Variants in TAFA2 observed in about 807,000 individuals in gnomAD.
TAFA2 encodes the protein TAFA chemokine like family member 2.
Under a neutral mutation model 18.8 loss-of-function variants are expected in TAFA2, and 7 were observed. The ratio of observed to expected loss-of-function variants is 0.37; its 90% CI spans 0.21 to 0.70. The LOEUF (loss-of-function observed/expected upper bound fraction) is 0.70. Ranked by LOEUF, TAFA2 falls within the 30% of genes least tolerant of loss-of-function variation. The pLI, the probability that TAFA2 is intolerant of heterozygous loss-of-function variation, is 0.53. For missense variants in TAFA2, 122 were observed against 158.1 expected (o/e 0.77, Z 1.23); for synonymous variants, 60 against 54.2 (o/e 1.11, Z -0.47).
intron 1 of TAFA2, among the ~76,000 whole-genome samples, chr12:62,075,321 G>C (rs1394669868): frequency 6.6e-6 from 1 of 152,192 alleles, no homozygotes; most frequent in African/African-American, 2.4e-5. Flanking sequence ...TCTTCTGATA[G>C]TAATTAATAT....
At chr12:61,720,752 A>T in intron 4 of TAFA2, 1 of 372,912 alleles carries the variant, frequency 2.7e-6, no homozygotes, top group South Asian at 2.1e-5. Context: ...TTCTCAATGA[A>T]ACTTCTGTCC....
intron 2 of TAFA2, chr12:61,776,081 C>G (rs565332269): frequency 4.5e-6 from 2 of 441,180 alleles, no homozygotes; most frequent in South Asian, 3.8e-5. Context: ...AAATGCCCCA[C>G]TAATGCTACC....
At chr12:61,898,349 G>C (rs1184181553) in intron 1 of TAFA2, among the ~76,000 whole-genome samples, 1 of 152,236 alleles carries the variant, frequency 6.6e-6, no homozygotes, top group Non-Finnish European at 1.5e-5. Context: ...TGGGGACTCT[G>C]TGTAGGGGCT....
At chr12:61,824,560 CA>C (rs201366796) in intron 2 of TAFA2, among the ~76,000 whole-genome samples, 6 of 151,470 alleles carry the variant, frequency 4.0e-5, no homozygotes, top group African/African-American at 1.2e-4. Flanking sequence ...ATTTTATTTC[CA>C]AAAAAAGTCA....
intron 1 of TAFA2, among the ~76,000 whole-genome samples, chr12:62,153,973 T>TATGTC (rs1363069084): frequency 1.3e-5 from 2 of 151,980 alleles, no homozygotes; most frequent in East Asian, 3.9e-4. Flanking sequence ...TATGTTATGT[T>TATGTC]ATGTTATGTT....
intron 2 of TAFA2, among the ~76,000 whole-genome samples, chr12:61,824,168 C>A (rs1320487522): frequency 6.6e-6 from 1 of 152,122 alleles, no homozygotes; most frequent in Admixed American, 6.6e-5. Flanking sequence ...TCAGTCCTAC[C>A]ACTTCAAGGA....
At chr12:62,258,623 C>T (rs960599518) in intron 1 of TAFA2, 6 of 217,474 alleles carry the variant, frequency 2.8e-5, no homozygotes, top group Admixed American at 1.2e-4. Context: ...ATGGCTATTA[C>T]GTCCCAGGCA....
In TAFA2 at chr12:61,885,281, G is replaced by A. The variant is rs187163828; in HGVS notation, c.-1-17855C>T. Among the ~76,000 whole-genome samples the A allele has an allele frequency of 4.8e-4, 73 of 152,240 alleles. No homozygotes were observed. In the South Asian group the frequency reaches 5.6e-3, roughly 12 times the overall value. ...AGCAATACTAGTGGGCATGCTATGC[G>A]TCAGATAAAAGAGTAGAGAAGGAGT... On this transcript the variant is annotated intron_variant, in intron 1 of 4. Coordinates refer to ENST00000416284, the MANE Select transcript of TAFA2 (RefSeq NM_178539.5).
chr12:62,071,986 T>C (rs1200433260), intron 1 of TAFA2, among the ~76,000 whole-genome samples: 1 of 152,236 alleles, frequency 6.6e-6, no homozygotes, highest in Non-Finnish European at 1.5e-5. Context: ...AATAGCATAT[T>C]CATAAGCAAG....
At chr12:62,143,962 C>A (rs1216441620) in intron 1 of TAFA2, among the ~76,000 whole-genome samples, 1 of 146,478 alleles carries the variant, frequency 6.8e-6, no homozygotes, top group Non-Finnish European at 1.5e-5. Context: ...GTGGGAGGAT[C>A]GCTTGAGCCA....
intron 1 of TAFA2, chr12:62,253,789 A>G (rs1471741547): frequency 1.3e-5 from 2 of 152,188 alleles, no homozygotes; most frequent in African/African-American, 4.8e-5. Flanking sequence ...CCCTTTTGCC[A>G]TTTAAAGTAA....
intron 1 of TAFA2, among the ~76,000 whole-genome samples, chr12:62,012,421 A>AG (rs1240882425): frequency 1.3e-5 from 2 of 152,246 alleles, no homozygotes; most frequent in East Asian, 3.9e-4. Context: ...TTAAAAAAAA[A>AG]AAAAAAAGAC....
rs191901513 is a variant in TAFA2, at chr12:62,117,103, C to T, written c.-2+74156G>A. ...CTCTTGATCTTGGACTTCTATCTTC[C>T]GGAAACTTTGAAATTTCTGTTCTTT... On this transcript the variant is annotated intron_variant, in intron 1 of 4. Transcript: ENST00000416284. Among the ~76,000 whole-genome samples, 11 of 152,210 alleles carry T rather than the reference C, an allele frequency of 7.2e-5. 1 individual carries two copies. In the South Asian group the frequency reaches 1.2e-3, roughly 17 times the overall value.
chr12:61,860,220 C>T (rs1475444319), intron 2 of TAFA2, among the ~76,000 whole-genome samples: 3 of 152,142 alleles, frequency 2.0e-5, no homozygotes, highest in Non-Finnish European at 4.4e-5. Context: ...CTTGATTTCT[C>T]TTCTGGGTAT....
chr12:62,071,616 A>T (rs575400237), intron 1 of TAFA2, among the ~76,000 whole-genome samples: 37 of 152,156 alleles, frequency 2.4e-4, no homozygotes, highest in Non-Finnish European at 1.5e-5. Context: ...CAACTTCTCC[A>T]TGGAGGGATG....
chr12:62,147,729 C>CAAAAAAAAAAAAAAAA (rs10552283), intron 1 of TAFA2, among the ~76,000 whole-genome samples: 1 of 76,376 alleles, frequency 1.3e-5, no homozygotes, highest in Non-Finnish European at 2.5e-5. Context: ...GACTCTGTCT[C>CAAAAAAAAAAAAAAAA]AAAAAAAAAA....
At chr12:62,143,250 C>T (rs2062252509) in intron 1 of TAFA2, among the ~76,000 whole-genome samples, 1 of 152,154 alleles carries the variant, frequency 6.6e-6, no homozygotes, top group African/African-American at 2.4e-5. Context: ...TTCTTTATCT[C>T]CCTAAAAATG....
intron 1 of TAFA2, among the ~76,000 whole-genome samples, chr12:61,970,603 G>C (rs1351958870): frequency 1.3e-5 from 2 of 151,060 alleles, no homozygotes; most frequent in Non-Finnish European, 3.0e-5. Flanking sequence ...ACAGTCAAAG[G>C]AGTTTGGTAA....
chr12:62,078,172 C>G (rs1490746607), intron 1 of TAFA2, among the ~76,000 whole-genome samples: 2 of 152,126 alleles, frequency 1.3e-5, no homozygotes, highest in Non-Finnish European at 2.9e-5. Context: ...CCTCCCTTAA[C>G]AAGCTGACCC....
Sources: allele counts gnomAD v4.1 joint callset (sites outside exome capture counted in the v4.1 genomes callset), GRCh38; gene constraint gnomAD v4.1.1; transcripts MANE v1.5; gene names NCBI Gene and HGNC (gene_info 2026-07-23, HGNC 2026-07-21).